The following ARID1B variants were observed in gnomAD, a reference collection of about 807,000 sequenced individuals.
ARID1B encodes AT-rich interactive domain-containing protein 1B.
A neutral mutation model predicts 212.3 loss-of-function variants in ARID1B; 30 were observed. The ratio of observed to expected loss-of-function variants is 0.14; its 90% confidence interval spans 0.11 to 0.19. The LOEUF (loss-of-function observed/expected upper bound fraction) is 0.19, where lower values mean the gene tolerates loss of function less well. Among genes scored for constraint, ARID1B ranks in the 10% least tolerant of loss-of-function variants. The pLI, the probability that ARID1B is intolerant of heterozygous loss-of-function variation, is 1.00. For missense variants in ARID1B, 2,891 were observed against 3,204.0 expected (o/e 0.90, Z 2.36); for synonymous variants, 1,402 against 1,301.7 (o/e 1.08, Z -1.66).
Position 157,206,660 on chromosome 6 carries a change from TTCC to T in ARID1B, c.5894_5896del (p.Pro1965del). On this transcript the variant is annotated inframe_deletion, in exon 20 of 20. Coordinates refer to ENST00000636930, the MANE Select transcript of ARID1B (RefSeq NM_001374828.1). The surrounding 1 kb of genome is among the most constrained non-coding windows in gnomAD (Gnocchi z 6.8). ...ACTCACTTTGAGAGCAAGATGGAAATTCCTCCTCGCAGGCGCCCACCTCCCCCC... is the reference window on the plus strand; with the variant it reads ...ACTCACTTTGAGAGCAAGATGGAAATTCCTCGCAGGCGCCCACCTCCCCCC... 1 of 1,612,490 alleles carries T rather than the reference TTCC, an allele frequency of 6.2e-7. No individual in the cohort carries two copies. The highest frequency in any genetic ancestry group is 1.7e-4 in the Middle Eastern group (1 of 6,058).
intron 4 of ARID1B, among the ~76,000 whole-genome samples, chr6:157,009,348 G>A (rs1449863494): frequency 6.6e-6 from 1 of 152,180 alleles, no homozygotes; most frequent in East Asian, 1.9e-4. Context: ...GTTAGTATGA[G>A]GAACTCTTCT....
chr6:157,150,851 C>A (rs1790146327), intron 8 of ARID1B: 1 of 180,278 alleles, frequency 5.5e-6, no homozygotes, highest in Non-Finnish European at 1.2e-5. Flanking sequence ...CTGACCAGTA[C>A]GGGTAGGTAG....
intron 1 of ARID1B, among the ~76,000 whole-genome samples, chr6:156,811,966 A>C (rs1022454413): frequency 6.6e-6 from 1 of 152,192 alleles, no homozygotes; most frequent in Admixed American, 6.5e-5. Flanking sequence ...CTAGGAGATG[A>C]TTTCCTTCAA....
chr6:157,145,126 A>AAGCCTTTCTC lies in ARID1B; in HGVS notation c.2762-3491_2762-3482dup, dbSNP rs1381271398. The stretch of plus-strand genomic sequence containing the variant: ...TTGTTGTGCTCTCTGGCATCCCCTG[A>AAGCCTTTCTC]AGCCTTTCTCAGCCTTCCAGGTGGT... On this transcript the variant is annotated intron_variant, in intron 7 of 19. Transcript: ENST00000636930. Among the ~76,000 whole-genome samples, 48 of 152,058 alleles carry AAGCCTTTCTC rather than the reference A, an allele frequency of 3.2e-4. 1 individual carries two copies.
chr6:156,901,052 C>G (rs1246920232), intron 2 of ARID1B, among the ~76,000 whole-genome samples: 2 of 152,162 alleles, frequency 1.3e-5, no homozygotes, highest in African/African-American at 4.8e-5. Flanking sequence ...GATTTCATAT[C>G]ATGCTTCTCT....
intron 4 of ARID1B, among the ~76,000 whole-genome samples, chr6:157,032,802 C>T (rs1781094413): frequency 6.6e-6 from 1 of 152,152 alleles, no homozygotes; most frequent in African/African-American, 2.4e-5. Context: ...ATTCTAAGTA[C>T]ATCAAGTATA....
chr6:156,965,721 G>A (rs1004291171), intron 4 of ARID1B, among the ~76,000 whole-genome samples: 1 of 152,080 alleles, frequency 6.6e-6, no homozygotes, highest in African/African-American at 2.4e-5. Flanking sequence ...ATTGTAGTTT[G>A]CTAATTATTT....
chr6:157,139,150 C>T (rs1300855871), intron 7 of ARID1B, among the ~76,000 whole-genome samples: 2 of 152,158 alleles, frequency 1.3e-5, no homozygotes, highest in African/African-American at 4.8e-5. Flanking sequence ...AATTTTGACT[C>T]TTGTGAGGCT....
At position 156,779,052 on chromosome 6, in the gene ARID1B, G is replaced by T. The variant is rs1778963674; in HGVS notation, c.1372G>T (p.Gly458Cys). 1 of 1,225,324 alleles carries T rather than the reference G, an allele frequency of 8.2e-7. No homozygotes were observed. Among genetic ancestry groups the T allele is most frequent in the Non-Finnish European group, 1.0e-6 (1 of 986,742 alleles). The allele number at this position is 1,225,324 out of a possible 1,614,324, so 75.9% of individuals were successfully genotyped here. A position where few individuals can be genotyped will look rare whatever the true frequency, so the allele number is the denominator to read the frequency against. ...YGVLSSPRQQ[G>C]GGMMMGPGGG... ...GGTGCTGAGCTCCCCCCGGCAGCAG[G>T]GCGGCGGCATGATGATGGGCCCCGG... is the stretch of plus-strand genomic sequence containing the variant. Residue 458 changes from glycine to cysteine, a missense_variant, in exon 1 of 20, where the codon GGC (glycine) becomes TGC (cysteine). Coordinates refer to ENST00000636930, the MANE Select transcript of ARID1B (RefSeq NM_001374828.1).
chr6:156,779,036 C>G lies in ARID1B; in HGVS notation c.1356C>G (p.Ser452Arg), dbSNP rs1778961273. The change falls in exon 1 of 20, where the codon AGC (serine) becomes AGG (arginine). Residue 452 changes from serine (S) to arginine (R), a missense_variant. Physicochemically the swap from Ser to Arg is moderately radical, Grantham distance 110 (BLOSUM62 -1). Coordinates refer to ENST00000636930, the MANE Select transcript of ARID1B (RefSeq NM_001374828.1). Reference protein sequence around the residue: ...GGSSAGYGVLSSPRQQGGGMM... With the variant: ...GGSSAGYGVLRSPRQQGGGMM... Reference sequence around the variant, plus strand: ...CGTCCGCGGGGTACGGGGTGCTGAGCTCCCCCCGGCAGCAGGGCGGCGGCA... The same window carrying G: ...CGTCCGCGGGGTACGGGGTGCTGAGGTCCCCCCGGCAGCAGGGCGGCGGCA... The G allele has an allele frequency of 4.1e-6, 5 of 1,226,834 alleles. No individual in the cohort carries two copies. Among genetic ancestry groups the G allele is most frequent in the Non-Finnish European group, 5.1e-6 (5 of 989,474 alleles). The allele number at this position is 1,226,834 out of a possible 1,614,324, so 76.0% of individuals were successfully genotyped here.
chr6:156,961,923 A>C (rs1048231290), intron 4 of ARID1B, among the ~76,000 whole-genome samples: 1 of 152,070 alleles, frequency 6.6e-6, no homozygotes, highest in African/African-American at 2.4e-5. Flanking sequence ...TCACCATAAC[A>C]CTGACCCTAT....
rs372977488 is a variant in ARID1B, at chr6:156,795,191, GAAGGAGT to G, written c.1791+15725_1791+15731del. On this transcript the variant is annotated intron_variant, in intron 1 of 19. Transcript: ENST00000636930. ...AGGCGGAGGCTGCTGCAGGGCCTGG[GAAGGAGT>G]AAGGCAGCACACGGTGGCTGTTAGG... 4.5e-3 allele frequency among the ~76,000 whole-genome samples: 682 copies of G among 152,298 alleles called. 6 individuals are homozygous for G. Among genetic ancestry groups the G allele is most frequent in the African/African-American group, 0.016 (660 of 41,550 alleles).
intron 4 of ARID1B, among the ~76,000 whole-genome samples, chr6:157,075,863 A>C (rs1784272279): frequency 6.6e-6 from 1 of 152,216 alleles, no homozygotes; most frequent in Non-Finnish European, 1.5e-5. Context: ...TCAAGGAAAG[A>C]CTGGGAAACT....
At chr6:157,170,110 G>A (rs1242069292) in intron 9 of ARID1B, 1 of 152,150 alleles carries the variant, frequency 6.6e-6, no homozygotes, top group Non-Finnish European at 1.5e-5. Context: ...AATTCTTGAG[G>A]TGGGTCCAGG....
chr6:157,204,116 C>A, intron 19 of ARID1B, 120 bp downstream of exon 19: 1 of 1,291,834 alleles, frequency 7.7e-7, no homozygotes, highest in South Asian at 1.3e-5. Flanking sequence ...CTGTTAATCA[C>A]TGCAGTTGTT....
chr6:156,886,560 G>GTTCGCTTCCTCCACCT lies in ARID1B; in HGVS notation c.1987-14812_1987-14797dup, dbSNP rs1787518834. ...CTCTCTTGTCCCAGTCTGAGTGGCT[G>GTTCGCTTCCTCCACCT]TTCGCTTCCTCCACCTTTCACTTCC... is the stretch of plus-strand genomic sequence containing the variant. On this transcript the variant is annotated intron_variant, in intron 2 of 19. Coordinates refer to ENST00000636930, the MANE Select transcript of ARID1B (RefSeq NM_001374828.1). 1.4e-4 allele frequency among the ~76,000 whole-genome samples: 21 copies of GTTCGCTTCCTCCACCT among 152,262 alleles called. No homozygotes were observed. The South Asian group carries it at 3.9e-3, about 29-fold the overall frequency.
At chr6:157,063,326 T>C (rs982329884) in intron 4 of ARID1B, among the ~76,000 whole-genome samples, 5 of 152,130 alleles carry the variant, frequency 3.3e-5, no homozygotes, top group Non-Finnish European at 5.9e-5. Flanking sequence ...GCATTTCTTT[T>C]AACACACCAC....
At chr6:156,932,125 G>GT (rs1791777697) in intron 3 of ARID1B, among the ~76,000 whole-genome samples, 1 of 85,846 alleles carries the variant, frequency 1.2e-5, no homozygotes, top group African/African-American at 5.0e-5. Context: ...TCGAGACCTT[G>GT]TTTCTTAAAA....
intron 5 of ARID1B, among the ~76,000 whole-genome samples, chr6:157,100,741 A>T (rs1313981188): frequency 6.6e-6 from 1 of 152,212 alleles, no homozygotes; most frequent in East Asian, 1.9e-4. Flanking sequence ...CTAGCTTCTT[A>T]CTAACTGAGA....
Sources: allele counts gnomAD v4.1 joint callset (sites outside exome capture counted in the v4.1 genomes callset), GRCh38; gene constraint gnomAD v4.1.1; non-coding constraint Gnocchi (gnomAD v3.1); transcripts MANE v1.5; gene names NCBI Gene and HGNC (gene_info 2026-07-23, HGNC 2026-07-21).